Variants in FZD9 observed in about 807,000 individuals in gnomAD.
The protein encoded by FZD9 is frizzled class receptor 9, also known as frizzled-9.
Under a neutral mutation model 29.9 loss-of-function variants are expected in FZD9, and 29 were observed. The ratio of observed to expected loss-of-function variants is 0.97; its 90% confidence interval spans 0.72 to 1.32. The LOEUF (loss-of-function observed/expected upper bound fraction) is 1.32. Ranked by LOEUF, FZD9 falls within the 40% of genes most tolerant of loss-of-function variation. FZD9 has a pLI of 0.00. For synonymous variants in FZD9, 384 were observed against 393.9 expected (o/e 0.97, Z 0.30); for missense variants, 822 against 857.8 (o/e 0.96, Z 0.52).
rs781906732 is a variant in FZD9 at position 73,435,242 on chromosome 7, T to C, written c.1235T>C (p.Leu412Pro). 6.2e-7 allele frequency: 1 copy of C among 1,613,682 alleles called. No homozygotes were observed. Among genetic ancestry groups the C allele is most frequent in the Non-Finnish European group, 8.5e-7 (1 of 1,179,992 alleles). ...GTGCCCCTCTCTGGCTACCTGGTGC[T>C]GGGCAGTAGTTTCCTCCTGACCGGC... Reference protein sequence around the residue: ...VLVPLSGYLVLGSSFLLTGFV... With the variant: ...VLVPLSGYLVPGSSFLLTGFV... Residue 412 changes from leucine (L) to proline (P), a missense_variant, in exon 1 of 1, where the codon CTG becomes CCG. By Grantham distance (98) the Leu-to-Pro change is moderately conservative. Transcript: ENST00000344575.
Position 73,435,032 on chromosome 7 carries a change from C to T in FZD9, c.1025C>T (p.Ala342Val), listed in dbSNP as rs1554563503. Reference protein sequence around the residue: ...VVLTLTWFLAAGKKWGHEAIE... With the variant: ...VVLTLTWFLAVGKKWGHEAIE... Reference sequence around the variant, plus strand: ...CTGACGCTCACCTGGTTCCTGGCTGCCGGGAAGAAATGGGGCCACGAGGCC... The same window carrying T: ...CTGACGCTCACCTGGTTCCTGGCTGTCGGGAAGAAATGGGGCCACGAGGCC... Residue 342 changes from alanine (A) to valine (V), a missense_variant, in exon 1 of 1, where the codon GCC becomes GTC. Ala to Val is a moderately conservative substitution (Grantham distance 64). Coordinates refer to ENST00000344575, the MANE Select transcript of FZD9 (RefSeq NM_003508.3). The T allele has an allele frequency of 6.2e-7, 1 of 1,613,888 alleles. No individual in the cohort carries two copies.
rs782164298 is a variant in FZD9 at position 73,434,199 on chromosome 7, G to T, written c.192G>T (p.Thr64=). ...GCATGCCCAACCTGCTGGGCCACAC[G>T]TCGCAGGGCGAGGCGGCTGCCGAGC... is the stretch of plus-strand genomic sequence containing the variant. ...LTRMPNLLGH[T]SQGEAAAELA... Residue 64 remains threonine (T), a synonymous_variant, in exon 1 of 1, where the codon ACG becomes ACT. Coordinates refer to ENST00000344575, the MANE Select transcript of FZD9 (RefSeq NM_003508.3). 38 of 1,573,682 alleles carry T rather than the reference G, an allele frequency of 2.4e-5. No individual in the cohort carries two copies. In the South Asian group the frequency reaches 2.8e-4, roughly 11 times the overall value.
At position 73,434,132 on chromosome 7, in the gene FZD9, TG is replaced by T; in HGVS notation, c.127del (p.Glu43ArgfsTer12). On this transcript the variant is annotated frameshift_variant, in exon 1 of 1. Transcript: ENST00000344575. LOFTEE classifies it low-confidence loss of function (END_TRUNC). Reference protein sequence around the residue: ...RGRGAAPCQAVEIPMCRGIGY... With the variant: ...RGRGAAPCQAXEIPMCRGIGY... ...CGCGGGGCTGCGCCGTGCCAGGCGG[TG>T]GAGATCCCCATGTGCCGCGGCATCG... The T allele has an allele frequency of 6.5e-7, 1 of 1,536,710 alleles. No individual in the cohort carries two copies.
rs1554563697 is a variant in FZD9 at position 73,435,753 on chromosome 7, C to T, written c.1746C>T (p.Asp582=). 6.3e-7 allele frequency: 1 copy of T among 1,599,680 alleles called. No homozygotes were observed. Among genetic ancestry groups the T allele is most frequent in the Admixed American group, 1.7e-5 (1 of 59,012 alleles). The change falls in exon 1 of 1, where the codon GAC becomes GAT. Residue 582 remains aspartate, a synonymous_variant. Coordinates refer to ENST00000344575, the MANE Select transcript of FZD9 (RefSeq NM_003508.3). ...PTVVLHMTKT[D]PSLENPTHL ...TGGTCTTGCACATGACTAAGACGGA[C>T]CCCTCTTTGGAGAACCCCACACACC...
At position 73,435,658 on chromosome 7, in the gene FZD9, C is replaced by T. The variant is rs782478821; in HGVS notation, c.1651C>T (p.Arg551Trp). The T allele has an allele frequency of 6.2e-6, 10 of 1,613,110 alleles. No individual in the cohort carries two copies. The highest frequency in any genetic ancestry group is 8.5e-6 in the Non-Finnish European group (10 of 1,179,860). The change falls in exon 1 of 1, where the codon CGG becomes TGG. Residue 551 changes from arginine to tryptophan, a missense_variant. Arg to Trp is a moderately radical substitution (Grantham distance 101, BLOSUM62 -3). Transcript: ENST00000344575. ...CYRKIAAGRA[R>W]AKACRAPGSY... ...CCGCAAGATAGCAGCTGGCCGGGCC[C>T]GGGCCAAGGCCTGCCGCGCCCCCGG...
In FZD9 at chr7:73,435,761, T is replaced by C; in HGVS notation, c.1754T>C (p.Leu585Ser). Residue 585 changes from leucine (L) to serine (S), a missense_variant, in exon 1 of 1, where the codon TTG (leucine) becomes TCG (serine). By Grantham distance (145) the Leu-to-Ser change is moderately radical. Transcript: ENST00000344575. ...CACATGACTAAGACGGACCCCTCTT[T>C]GGAGAACCCCACACACCTCTAGCCA... Reference protein sequence around the residue: ...VLHMTKTDPSLENPTHL With the variant: ...VLHMTKTDPSSENPTHL 1 of 1,595,500 alleles carries C rather than the reference T, an allele frequency of 6.3e-7. No homozygotes were observed. Among genetic ancestry groups the C allele is most frequent in the South Asian group, 1.1e-5 (1 of 89,452 alleles).
rs782381628 is a variant in FZD9, at chr7:73,435,171, C to T, written c.1164C>T (p.Cys388=). ...KVAGDELTGL[C]YVASTDAAAL... ...CGGGTGATGAGCTGACTGGGCTTTG[C>T]TACGTGGCCAGCACGGATGCAGCAG... The change falls in exon 1 of 1, where the codon TGC becomes TGT. Residue 388 remains cysteine, a synonymous_variant. Transcript: ENST00000344575. The T allele has an allele frequency of 1.2e-6, 2 of 1,612,798 alleles. No homozygotes were observed. The highest frequency in any genetic ancestry group is 1.3e-5 in the African/African-American group (1 of 74,956).
Position 73,435,608 on chromosome 7 carries a change from T to C in FZD9, c.1601T>C (p.Phe534Ser), listed in dbSNP as rs1554563646. 1 of 1,613,122 alleles carries C rather than the reference T, an allele frequency of 6.2e-7. No individual in the cohort carries two copies. The highest frequency in any genetic ancestry group is 8.5e-7 in the Non-Finnish European group (1 of 1,179,882). Residue 534 changes from phenylalanine (F) to serine (S), a missense_variant, in exon 1 of 1, where the codon TTC becomes TCC. Phe to Ser is a radical substitution (Grantham distance 155). Transcript: ENST00000344575. ...SGVWVWSSKT[F>S]QTWQSLCYRK... ...GTCTGGGTGTGGAGCTCCAAGACTTTCCAGACCTGGCAGAGCCTGTGCTAC... is the reference window on the plus strand; with the variant it reads ...GTCTGGGTGTGGAGCTCCAAGACTTCCCAGACCTGGCAGAGCCTGTGCTAC...
In FZD9 at chr7:73,434,948, C is replaced by A; in HGVS notation, c.941C>A (p.Thr314Lys). 1 of 1,614,056 alleles carries A rather than the reference C, an allele frequency of 6.2e-7. No individual in the cohort carries two copies. The highest frequency in any genetic ancestry group is 8.5e-7 in the Non-Finnish European group (1 of 1,180,018). Residue 314 changes from threonine to lysine, a missense_variant, in exon 1 of 1, where the codon ACG (threonine) becomes AAG (lysine). Thr to Lys is a moderately conservative substitution (Grantham distance 78). Transcript: ENST00000344575. ...GAGGGCCTGGAGAACACGGGCTGCA[C>A]GCTGGTCTTCCTACTGCTCTACTAC... The part of the protein sequence containing the change: ...IQEGLENTGC[T>K]LVFLLLYYFG...
chr7:73,434,254 G>A lies in FZD9; in HGVS notation c.247G>A (p.Gly83Ser). The change falls in exon 1 of 1, where the codon GGC becomes AGC. Residue 83 changes from glycine to serine, a missense_variant. By Grantham distance (56) the Gly-to-Ser change is moderately conservative. Coordinates refer to ENST00000344575, the MANE Select transcript of FZD9 (RefSeq NM_003508.3). The part of the protein sequence containing the change: ...LAEFAPLVQY[G>S]CHSHLRFFLC... ...GGAGTTCGCGCCGCTGGTGCAGTAC[G>A]GCTGCCACAGCCACCTGCGCTTCTT... The A allele has an allele frequency of 6.3e-7, 1 of 1,587,630 alleles. No individual in the cohort carries two copies. The highest frequency in any genetic ancestry group is 8.5e-7 in the Non-Finnish European group (1 of 1,173,916).
rs782330628 is a variant in FZD9, at chr7:73,434,506, C to G, written c.499C>G (p.His167Asp). 1.4e-5 allele frequency: 21 copies of G among 1,468,710 alleles called. No individual in the cohort carries two copies. In the East Asian group the frequency reaches 5.9e-4, roughly 41 times the overall value. 91.0% of individuals were successfully genotyped at this position (1,468,710 alleles called of 1,614,324 possible). Residue 167 changes from histidine to aspartate, a missense_variant, in exon 1 of 1, where the codon CAC (histidine) becomes GAC (aspartate). Physicochemically the swap from His to Asp is moderately conservative, Grantham distance 81 (BLOSUM62 -1). Transcript: ENST00000344575. The part of the protein sequence containing the change: ...ENATAGPAEP[H>D]KGLGMLPVAP... ...CGCCACGGCCGGCCCCGCGGAGCCC[C>G]ACAAGGGCCTGGGCATGCTGCCCGT...
rs762475044 is a variant in FZD9 at position 73,435,162 on chromosome 7, T to G, written c.1155T>G (p.Thr385=). 5.0e-6 allele frequency: 8 copies of G among 1,612,764 alleles called. No homozygotes were observed. Among genetic ancestry groups the G allele is most frequent in the Non-Finnish European group, 5.9e-6 (7 of 1,179,980 alleles). ...GCAAGGTGGCGGGTGATGAGCTGACTGGGCTTTGCTACGTGGCCAGCACGG... is the reference window on the plus strand; with the variant it reads ...GCAAGGTGGCGGGTGATGAGCTGACGGGGCTTTGCTACGTGGCCAGCACGG... The part of the protein sequence containing the change: ...TLRKVAGDEL[T]GLCYVASTDA... The change falls in exon 1 of 1, where the codon ACT becomes ACG. Residue 385 remains threonine, a synonymous_variant. Transcript: ENST00000344575.
At position 73,434,006 on chromosome 7, in the gene FZD9, G is replaced by C. The variant is rs1172987821; in HGVS notation, c.-2G>C. 2 of 1,213,530 alleles carry C rather than the reference G, an allele frequency of 1.6e-6. No homozygotes were observed. Among genetic ancestry groups the C allele is most frequent in the African/African-American group, 3.2e-5 (2 of 63,362 alleles). 75.2% of individuals were successfully genotyped at this position (1,213,530 alleles called of 1,614,324 possible). On this transcript the variant is annotated 5_prime_UTR_variant, in exon 1 of 1. Coordinates refer to ENST00000344575, the MANE Select transcript of FZD9 (RefSeq NM_003508.3). Reference sequence around the variant, plus strand: ...TCCCGCCTTCGGCCCGGGCCTCCCGGGATGGCCGTGGCGCCTCTGCGGGGG... The same window carrying C: ...TCCCGCCTTCGGCCCGGGCCTCCCGCGATGGCCGTGGCGCCTCTGCGGGGG...
chr7:73,434,198 C>T lies in FZD9; in HGVS notation c.191C>T (p.Thr64Met). The change falls in exon 1 of 1, where the codon ACG becomes ATG. Residue 64 changes from threonine to methionine, a missense_variant. By Grantham distance (81) the Thr-to-Met change is moderately conservative (BLOSUM62 -1). Coordinates refer to ENST00000344575, the MANE Select transcript of FZD9 (RefSeq NM_003508.3). ...CGCATGCCCAACCTGCTGGGCCACA[C>T]GTCGCAGGGCGAGGCGGCTGCCGAG... ...LTRMPNLLGH[T>M]SQGEAAAELA... The T allele has an allele frequency of 6.4e-7, 1 of 1,573,470 alleles. No homozygotes were observed. The highest frequency in any genetic ancestry group is 8.6e-7 in the Non-Finnish European group (1 of 1,166,940).
Position 73,434,843 on chromosome 7 carries a change from T to G in FZD9, c.836T>G (p.Leu279Arg), listed in dbSNP as rs1787377134. The G allele has an allele frequency of 6.2e-7, 1 of 1,613,380 alleles. No homozygotes were observed. Among genetic ancestry groups the G allele is most frequent in the African/African-American group, 1.3e-5 (1 of 74,932 alleles). ...TCCATGTGCTACAACGTCTACTCGC[T>G]GGCCTTCCTGATCCGTGCGGTGGCC... ...FLSMCYNVYS[L>R]AFLIRAVAGA... is the part of the protein sequence containing the mutation. Residue 279 changes from leucine to arginine, a missense_variant, in exon 1 of 1, where the codon CTG (leucine) becomes CGG (arginine). By Grantham distance (102) the Leu-to-Arg change is moderately radical. Coordinates refer to ENST00000344575, the MANE Select transcript of FZD9 (RefSeq NM_003508.3).
rs1414739487 is a variant in FZD9 at position 73,434,569 on chromosome 7, C to T, written c.562C>T (p.Pro188Ser). The change falls in exon 1 of 1, where the codon CCG (proline) becomes TCG (serine). Residue 188 changes from proline (P) to serine (S), a missense_variant. Transcript: ENST00000344575. ...CGCGCGCCCTCCCGGAGACCTGGGCCCGGGCGCGGGCGGCAGTGGCACCTG... is the reference window on the plus strand; with the variant it reads ...CGCGCGCCCTCCCGGAGACCTGGGCTCGGGCGCGGGCGGCAGTGGCACCTG... The part of the protein sequence containing the change: ...RPARPPGDLG[P>S]GAGGSGTCEN... The T allele has an allele frequency of 6.8e-7, 1 of 1,477,088 alleles. No homozygotes were observed. Among genetic ancestry groups the T allele is most frequent in the Non-Finnish European group, 8.9e-7 (1 of 1,120,214 alleles). The allele number at this position is 1,477,088 out of a possible 1,614,324, so 91.5% of individuals were successfully genotyped here.
In FZD9 at chr7:73,435,876, C is replaced by T; in HGVS notation, c.*93C>T. 3 of 1,476,498 alleles carry T rather than the reference C, an allele frequency of 2.0e-6. No homozygotes were observed. Among genetic ancestry groups the T allele is most frequent in the Non-Finnish European group, 2.7e-6 (3 of 1,098,852 alleles). The allele number at this position is 1,476,498 out of a possible 1,614,324, so 91.5% of individuals were successfully genotyped here. A position where few individuals can be genotyped will look rare whatever the true frequency, so the allele number is the denominator to read the frequency against. ...CCTAGAGACAGCTGACTAGCAGCTG[C>T]CCAGCTGTCAAGGTCAGGCAAGTGA... On this transcript the variant is annotated 3_prime_UTR_variant, in exon 1 of 1. Transcript: ENST00000344575.
Position 73,435,916 on chromosome 7 carries a change from G to A in FZD9, c.*133G>A. 1 of 1,229,872 alleles carries A rather than the reference G, an allele frequency of 8.1e-7. No individual in the cohort carries two copies. The allele number at this position is 1,229,872 out of a possible 1,614,324, so 76.2% of individuals were successfully genotyped here. A position where few individuals can be genotyped will look rare whatever the true frequency, so the allele number is the denominator to read the frequency against. On this transcript the variant is annotated 3_prime_UTR_variant, in exon 1 of 1. Coordinates refer to ENST00000344575, the MANE Select transcript of FZD9 (RefSeq NM_003508.3). ...CAGGCAAGTGAGCACCGGGGACTGA[G>A]GATCAGGGCGGGACCCCGTGAGGCT...
chr7:73,435,206 G>A lies in FZD9; in HGVS notation c.1199G>A (p.Gly400Asp), dbSNP rs1234047013. The A allele has an allele frequency of 1.2e-6, 2 of 1,613,322 alleles. No individual in the cohort carries two copies. The highest frequency in any genetic ancestry group is 1.7e-6 in the Non-Finnish European group (2 of 1,180,036). The change falls in exon 1 of 1, where the codon GGC (glycine) becomes GAC (aspartate). Residue 400 changes from glycine (G) to aspartate (D), a missense_variant. By Grantham distance (94) the Gly-to-Asp change is moderately conservative (BLOSUM62 -1). Coordinates refer to ENST00000344575, the MANE Select transcript of FZD9 (RefSeq NM_003508.3). Reference protein sequence around the residue: ...VASTDAAALTGFVLVPLSGYL... With the variant: ...VASTDAAALTDFVLVPLSGYL... ...AGCACGGATGCAGCAGCGCTCACGG[G>A]CTTCGTGCTGGTGCCCCTCTCTGGC...
Sources: allele counts gnomAD v4.1 joint callset, GRCh38; gene constraint gnomAD v4.1.1; transcripts MANE v1.5; gene names NCBI Gene and HGNC (gene_info 2026-07-23, HGNC 2026-07-21).